Variants in NTRK2 observed in about 807,000 individuals in gnomAD.
The protein encoded by NTRK2 is BDNF/NT-3 growth factors receptor.
In NTRK2, 13 loss-of-function variants were observed where a neutral mutation model predicts 94.5. The observed-to-expected ratio is 0.14, with a 90% CI of 0.09 to 0.22. The LOEUF (loss-of-function observed/expected upper bound fraction) is 0.22. NTRK2 is among the 10% of genes least tolerant of loss of function. The pLI is 1.00. For missense variants in NTRK2, 639 were observed against 1,071.2 expected (o/e 0.60, Z 5.63); for synonymous variants, 372 against 407.4 (o/e 0.91, Z 1.05).
chr9:84,670,296 C>T (rs750989939), intron 1 of NTRK2, 81 bp from the exon 2 acceptor site: 5 of 272,298 alleles, frequency 1.8e-5, no homozygotes, highest in Non-Finnish European at 2.8e-5. Context: ...GTGGGGATGA[C>T]GCGAGCAGAG....
intron 14 of NTRK2, among the ~76,000 whole-genome samples, chr9:84,884,126 A>C (rs550050758): frequency 6.6e-6 from 1 of 152,206 alleles, no homozygotes; most frequent in Non-Finnish European, 1.5e-5. Context: ...AAAGTATTCA[A>C]ATTGCATTTC....
rs141989853 is a variant in NTRK2, at chr9:85,017,642, TG to T, written c.2173-2563del. On this transcript the variant is annotated intron_variant, in intron 17 of 18. Transcript: ENST00000277120. ...ACATACTTTAATAAGCCTCAGTCCC[TG>T]ATGGATCTCCTTGAATTGAAGAGGG... 5.9e-3 allele frequency among the ~76,000 whole-genome samples: 892 copies of T among 152,370 alleles called. 14 individuals are homozygous for T. The highest frequency in any genetic ancestry group is 0.021 in the African/African-American group (864 of 41,596).
chr9:84,758,243 T>A (rs1278922735), intron 12 of NTRK2, among the ~76,000 whole-genome samples: 1 of 152,064 alleles, frequency 6.6e-6, no homozygotes, highest in African/African-American at 2.4e-5. Context: ...TAAAAGCAAA[T>A]CTGTCCATCT....
chr9:84,884,756 T>C (rs989657757), intron 14 of NTRK2, among the ~76,000 whole-genome samples: 5 of 152,258 alleles, frequency 3.3e-5, no homozygotes, highest in African/African-American at 1.2e-4. Flanking sequence ...CTCATAGTGC[T>C]TATGATGCTT....
intron 8 of NTRK2, 108 bp downstream of exon 8, chr9:84,724,464 A>G: frequency 7.6e-7 from 1 of 1,315,604 alleles, no homozygotes. Flanking sequence ...AAAAAAGTAT[A>G]TGCAGTGTTT....
chr9:84,704,496 T>TA (rs1436929300), intron 4 of NTRK2, among the ~76,000 whole-genome samples: 1 of 152,002 alleles, frequency 6.6e-6, no homozygotes, highest in African/African-American at 2.4e-5. Flanking sequence ...AAAGTGCTGG[T>TA]ATTACAGGCT....
chr9:84,849,461 C>G (rs1351772442), intron 12 of NTRK2, among the ~76,000 whole-genome samples: 2 of 152,192 alleles, frequency 1.3e-5, no homozygotes, highest in Non-Finnish European at 1.5e-5. Context: ...CTAACGTAAT[C>G]ATGGATCCGT....
chr9:84,934,281 G>A lies in NTRK2; in HGVS notation c.1753G>A (p.Val585Met), dbSNP rs2132720975. ...CTGTCCTGAGCAGGACAAGATCTTG[G>A]TGGCAGTGAAGGTAAGAGAACATTC... ...NLCPEQDKIL[V>M]AVKTLKDASD... Residue 585 changes from valine to methionine, a missense_variant, in exon 15 of 19, where the codon GTG (valine) becomes ATG (methionine). Physicochemically the swap from Val to Met is conservative, Grantham distance 21 (BLOSUM62 1). Around this residue, in one of 5 missense-constraint regions of NTRK2, gnomAD observed 343 missense variants for 571.5 expected, o/e 0.60. Transcript: ENST00000277120. 6.2e-7 allele frequency: 1 copy of A among 1,614,042 alleles called. No homozygotes were observed.
At chr9:84,738,519 T>A (rs552388989) in intron 9 of NTRK2, among the ~76,000 whole-genome samples, 1 of 152,370 alleles carries the variant, frequency 6.6e-6, no homozygotes, top group South Asian at 2.1e-4. Context: ...ACATTTTTTC[T>A]GTCAGCATTT....
chr9:84,915,577 G>T (rs2077371799), intron 14 of NTRK2, among the ~76,000 whole-genome samples: 1 of 152,078 alleles, frequency 6.6e-6, no homozygotes, highest in South Asian at 2.1e-4. Flanking sequence ...TGACACGATT[G>T]TTCTTGTACA....
rs977478438 is a variant in NTRK2, at chr9:85,025,557, G to A, written c.*4120G>A. 4.3e-6 allele frequency: 1 copy of A among 233,134 alleles called. No homozygotes were observed. The highest frequency in any genetic ancestry group is 8.5e-6 in the Non-Finnish European group (1 of 118,026). The allele number at this position is 233,134 out of a possible 1,614,324, so 14.4% of individuals were successfully genotyped here. A position where few individuals can be genotyped will look rare whatever the true frequency, so the allele number is the denominator to read the frequency against. On this transcript the variant is annotated 3_prime_UTR_variant, in exon 19 of 19. Transcript: ENST00000277120. ...CCTAACAGCAGGATTACCTGGTCAA[G>A]TATGGACTTTCTTTGAATCTTTCTT...
chr9:84,700,381 T>C (rs2131666739), intron 2 of NTRK2, among the ~76,000 whole-genome samples: 1 of 152,338 alleles, frequency 6.6e-6, no homozygotes, highest in African/African-American at 2.4e-5. Context: ...TTAAAATGTT[T>C]CTTTCTTCTA....
intron 17 of NTRK2, among the ~76,000 whole-genome samples, chr9:84,983,707 C>T (rs1827934984): frequency 6.6e-6 from 1 of 152,196 alleles, no homozygotes; most frequent in Admixed American, 6.5e-5. Context: ...GTACAAAAAA[C>T]TAGTTATTTT....
intron 17 of NTRK2, among the ~76,000 whole-genome samples, chr9:84,976,747 C>G (rs1023673544): frequency 1.3e-5 from 2 of 152,048 alleles, no homozygotes; most frequent in African/African-American, 2.4e-5. Context: ...ACTATAAACA[C>G]AACTAGAGAA....
intron 17 of NTRK2, among the ~76,000 whole-genome samples, chr9:84,959,290 T>C (rs1824580496): frequency 6.6e-6 from 1 of 152,136 alleles, no homozygotes; most frequent in Non-Finnish European, 1.5e-5. Context: ...GTTTTTTTTG[T>C]TTGTTTTTGG....
At chr9:84,853,459 C>G (rs1587683933) in intron 12 of NTRK2, among the ~76,000 whole-genome samples, 1 of 152,252 alleles carries the variant, frequency 6.6e-6, no homozygotes, top group Non-Finnish European at 1.5e-5. Context: ...CAGTCATGTT[C>G]CATTGGAGAG....
intron 17 of NTRK2, among the ~76,000 whole-genome samples, chr9:84,972,719 T>C (rs2133152511): frequency 1.3e-5 from 2 of 152,348 alleles, no homozygotes; most frequent in East Asian, 3.9e-4. Flanking sequence ...TTATTTTCAT[T>C]AGTTTTGAAG....
At chr9:85,018,353 T>A (rs1832462121) in intron 17 of NTRK2, among the ~76,000 whole-genome samples, 2 of 152,178 alleles carry the variant, frequency 1.3e-5, no homozygotes, top group Admixed American at 6.5e-5. Flanking sequence ...GGGTTAACAA[T>A]CTTTGAAAAT....
At chr9:84,920,729 G>A (rs762372534) in intron 14 of NTRK2, among the ~76,000 whole-genome samples, 3 of 152,130 alleles carry the variant, frequency 2.0e-5, no homozygotes, top group South Asian at 4.1e-4. Flanking sequence ...TCACTTCACC[G>A]TTATGGGTAA....
Sources: allele counts gnomAD v4.1 joint callset (sites outside exome capture counted in the v4.1 genomes callset), GRCh38; gene constraint gnomAD v4.1.1; regional missense constraint gnomAD v4.1.1; transcripts MANE v1.5; gene names NCBI Gene and HGNC (gene_info 2026-07-23, HGNC 2026-07-21).